Variants in LDAH observed in about 807,000 individuals in gnomAD.
The protein encoded by LDAH is lipid droplet-associated hydrolase.
A neutral mutation model predicts 29.6 loss-of-function variants in LDAH; 26 were observed. That is an observed-to-expected ratio of 0.88 (90% CI 0.64 to 1.22). LDAH has a LOEUF of 1.22. Ranked by LOEUF, LDAH falls within the 50% of genes most tolerant of loss-of-function variation. The pLI is 0.00. For synonymous variants in LDAH, 117 were observed against 133.0 expected (o/e 0.88, Z 0.83); for missense variants, 344 against 387.3 (o/e 0.89, Z 0.94).
chr2:20,717,270 T>C (rs1665287111), intron 5 of LDAH, among the ~76,000 whole-genome samples: 1 of 152,172 alleles, frequency 6.6e-6, no homozygotes, highest in African/African-American at 2.4e-5. Context: ...TTAGAATTTT[T>C]TTCCAGCAAA....
intron 1 of LDAH, among the ~76,000 whole-genome samples, chr2:20,820,063 T>C (rs1475662841): frequency 2.6e-5 from 4 of 151,990 alleles, no homozygotes; most frequent in South Asian, 2.1e-4. Flanking sequence ...ACAAGGGATG[T>C]GAAGGACCTC....
At chr2:20,788,639 T>C (rs535022) in intron 3 of LDAH, among the ~76,000 whole-genome samples, 57,265 of 151,884 alleles carry the variant, frequency 0.38, 11,702 homozygotes, top group South Asian at 0.54. Context: ...CTCATACCAC[T>C]AGAGAGACGT....
chr2:20,810,947 C>G (rs577429793), intron 1 of LDAH, among the ~76,000 whole-genome samples: 14 of 152,200 alleles, frequency 9.2e-5, no homozygotes, highest in African/African-American at 2.6e-4. Context: ...CATCACTCCC[C>G]ACTCCCCACC....
At chr2:20,772,826 C>A (rs1669523810) in intron 4 of LDAH, among the ~76,000 whole-genome samples, 1 of 152,218 alleles carries the variant, frequency 6.6e-6, no homozygotes, top group Non-Finnish European at 1.5e-5. Flanking sequence ...CTCTGTCCAA[C>A]AACTCTCAAG....
intron 6 of LDAH, among the ~76,000 whole-genome samples, chr2:20,696,479 A>G (rs1338299290): frequency 6.6e-6 from 1 of 152,136 alleles, no homozygotes; most frequent in Admixed American, 6.5e-5. Context: ...GCTGCACTTC[A>G]TGTGTTCTCT....
chr2:20,772,422 A>G (rs574886417), intron 4 of LDAH, among the ~76,000 whole-genome samples: 121 of 152,340 alleles, frequency 7.9e-4, no homozygotes, highest in African/African-American at 2.9e-3. Flanking sequence ...GGTCCAAGTC[A>G]TTGCCTACAC....
Position 20,687,006 on chromosome 2 carries a change from C to T in LDAH, c.875G>A (p.Arg292Gln), listed in dbSNP as rs780047573. The change falls in exon 7 of 7, where the codon CGA (arginine) becomes CAA (glutamine). Residue 292 changes from arginine (R) to glutamine (Q), a missense_variant. Physicochemically the swap from Arg to Gln is conservative, Grantham distance 43 (BLOSUM62 1). Coordinates refer to ENST00000237822, the MANE Select transcript of LDAH (RefSeq NM_021925.4). ...IKKDFPEGDI[R>Q]LCEKNIPHAF... ...ATGAGGTATGTTTTTCTCACAGAGT[C>T]GAATGTCTCCTTCTGGAAAATCCTT... The T allele has an allele frequency of 2.3e-5, 37 of 1,613,876 alleles. No homozygotes were observed. The highest frequency in any genetic ancestry group is 4.5e-5 in the East Asian group (2 of 44,898).
intron 3 of LDAH, among the ~76,000 whole-genome samples, chr2:20,775,222 A>T (rs1367754368): frequency 3.9e-5 from 6 of 152,258 alleles, no homozygotes; most frequent in African/African-American, 1.4e-4. Context: ...GTGACAGATT[A>T]ATAGTCACAA....
Position 20,789,594 on chromosome 2 carries a change from C to G in LDAH, c.298+661G>C, listed in dbSNP as rs2125068885. On this transcript the variant is annotated intron_variant, in intron 3 of 6. Coordinates refer to ENST00000237822, the MANE Select transcript of LDAH (RefSeq NM_021925.4). ...ATGATTAGCAGGCCACGGTTTATCA[C>G]TTAATTATTCTCTAAATATGAGAGA... Among the ~76,000 whole-genome samples, 2 of 152,234 alleles carry G rather than the reference C, an allele frequency of 1.3e-5. 1 individual carries two copies. Among genetic ancestry groups the G allele is most frequent in the South Asian group, 4.1e-4 (2 of 4,822 alleles).
intron 4 of LDAH, among the ~76,000 whole-genome samples, chr2:20,764,595 G>C (rs1668907331): frequency 6.6e-6 from 1 of 152,116 alleles, no homozygotes; most frequent in Admixed American, 6.5e-5. Flanking sequence ...AGTTCTCTCT[G>C]AACTCCTCCC....
intron 5 of LDAH, among the ~76,000 whole-genome samples, chr2:20,736,482 A>G (rs112593876): frequency 0.031 from 4,769 of 152,138 alleles, 253 homozygotes; most frequent in African/African-American, 0.11. Flanking sequence ...GAAAGTATTG[A>G]AAACCAGAAT....
rs199955146 is a variant in LDAH at position 20,724,710 on chromosome 2, T to TAA, written c.703+15259_703+15260dup. Among the ~76,000 whole-genome samples, 1,494 of 152,322 alleles carry TAA rather than the reference T, an allele frequency of 9.8e-3. 31 individuals are homozygous for TAA. The highest frequency in any genetic ancestry group is 0.034 in the African/African-American group (1,423 of 41,568). On this transcript the variant is annotated intron_variant, in intron 5 of 6. Transcript: ENST00000237822. Reference sequence around the variant, plus strand: ...AACTAGGCCACATACACACTAGTTATAAGAGCCAGAGACAATGTAGAGGCA... The same window carrying TAA: ...AACTAGGCCACATACACACTAGTTATAAAAGAGCCAGAGACAATGTAGAGGCA...
intron 5 of LDAH, 99 bp from the exon 6 acceptor site, chr2:20,701,751 C>A: frequency 9.5e-7 from 1 of 1,050,122 alleles, no homozygotes; most frequent in Non-Finnish European, 1.4e-6. Flanking sequence ...TTTCTTTTGG[C>A]ACGTGCTATC....
intron 2 of LDAH, among the ~76,000 whole-genome samples, chr2:20,792,550 G>T (rs1671039858): frequency 6.6e-6 from 1 of 152,110 alleles, no homozygotes; most frequent in South Asian, 2.1e-4. Flanking sequence ...CCTTGTTTTA[G>T]TTAGTCTTAC....
At chr2:20,811,278 A>G (rs1261979374) in intron 1 of LDAH, among the ~76,000 whole-genome samples, 2 of 151,928 alleles carry the variant, frequency 1.3e-5, no homozygotes, top group African/African-American at 2.4e-5. Context: ...TCGGCCTCCC[A>G]AAGTGCTGGG....
At chr2:20,814,229 TGG>T (rs70939052) in intron 1 of LDAH, among the ~76,000 whole-genome samples, 21,955 of 132,080 alleles carry the variant, frequency 0.17, 2,062 homozygotes, top group African/African-American at 0.27. Context: ...AGTCTGACAA[TGG>T]GGGGGGGGGG....
intron 3 of LDAH, among the ~76,000 whole-genome samples, chr2:20,788,643 G>A (rs1415873544): frequency 6.6e-6 from 1 of 152,058 alleles, no homozygotes; most frequent in African/African-American, 2.4e-5. Flanking sequence ...TACCACTAGA[G>A]AGACGTACAA....
chr2:20,808,946 A>T (rs1206119635), intron 1 of LDAH, among the ~76,000 whole-genome samples: 1 of 152,212 alleles, frequency 6.6e-6, no homozygotes, highest in Admixed American at 6.5e-5. Flanking sequence ...CTCCTTTCTC[A>T]CACCACAGAC....
chr2:20,801,236 T>C, intron 2 of LDAH, 74 bp downstream of exon 2: 2 of 1,475,984 alleles, frequency 1.4e-6, no homozygotes, highest in Admixed American at 2.2e-5. Flanking sequence ...ATTTACCAAA[T>C]TCTCTATACT....
Sources: allele counts gnomAD v4.1 joint callset (sites outside exome capture counted in the v4.1 genomes callset), GRCh38; gene constraint gnomAD v4.1.1; transcripts MANE v1.5; gene names NCBI Gene and HGNC (gene_info 2026-07-23, HGNC 2026-07-21).